Variants in RASSF3 observed in about 807,000 individuals in gnomAD.
The protein encoded by RASSF3 is Ras association domain family member 3.
Under a neutral mutation model 19.9 loss-of-function variants are expected in RASSF3, and 19 were observed. The observed-to-expected ratio is 0.96, with a 90% confidence interval of 0.67 to 1.40. The LOEUF (loss-of-function observed/expected upper bound fraction) is 1.40. Ranked by LOEUF, RASSF3 falls within the 40% of genes most tolerant of loss-of-function variation. The pLI, the probability that RASSF3 is intolerant of heterozygous loss-of-function variation, is 0.00. For missense variants in RASSF3, 306 were observed against 289.8 expected, an observed-to-expected ratio of 1.06 and a Z score of -0.41; for synonymous variants, 110 against 104.2, an observed-to-expected ratio of 1.06 and a Z score of -0.34.
chr12:64,578,765 C>G (rs1022044482), intron 2 of RASSF3, among the ~76,000 whole-genome samples: 4 of 152,250 alleles, frequency 2.6e-5, no homozygotes, highest in Non-Finnish European at 5.9e-5. Flanking sequence ...CTCTTGACTA[C>G]TCGCCTACAC....
At chr12:64,672,211 T>C (rs903664133) in intron 1 of RASSF3, among the ~76,000 whole-genome samples, 1 of 152,046 alleles carries the variant, frequency 6.6e-6, no homozygotes, top group Non-Finnish European at 1.5e-5. Context: ...TTTTAGTTAT[T>C]TTATTTTGTT....
chr12:64,679,337 G>C (rs922263649), intron 1 of RASSF3, among the ~76,000 whole-genome samples: 5 of 152,232 alleles, frequency 3.3e-5, no homozygotes, highest in African/African-American at 1.2e-4. Context: ...GGGATTACGG[G>C]CGTGAGCCAC....
downstream of RASSF3, among the ~76,000 whole-genome samples, chr12:64,544,771 CTA>C (rs1179642941): frequency 7.9e-5 from 12 of 152,268 alleles, no homozygotes; most frequent in South Asian, 1.2e-3. Flanking sequence ...GGTAATGAAA[CTA>C]ATTTTCAGTT....
chr12:64,667,688 T>C (rs1030650749), intron 1 of RASSF3, among the ~76,000 whole-genome samples: 3 of 152,198 alleles, frequency 2.0e-5, no homozygotes, highest in African/African-American at 7.2e-5. Context: ...ATTCAGCCAG[T>C]CTTCAATTGT....
At chr12:64,667,768 G>A (rs990823568) in intron 1 of RASSF3, among the ~76,000 whole-genome samples, 4 of 152,124 alleles carry the variant, frequency 2.6e-5, no homozygotes, top group African/African-American at 9.7e-5. Context: ...TTATCTCTGC[G>A]GGCAAGTGGC....
chr12:64,582,587 G>A (rs1438874752), intron 2 of RASSF3, among the ~76,000 whole-genome samples: 2 of 152,140 alleles, frequency 1.3e-5, no homozygotes, highest in African/African-American at 4.8e-5. Context: ...AGAGATTCCT[G>A]GATATGGGAC....
At chr12:64,670,975 T>C (rs1029450002) in intron 1 of RASSF3, among the ~76,000 whole-genome samples, 4 of 152,114 alleles carry the variant, frequency 2.6e-5, no homozygotes, top group Non-Finnish European at 5.9e-5. Context: ...ATATGCAAAA[T>C]AGGGATGATA....
At chr12:64,527,507 C>CACAAT (rs1175796893) in intron 1 of RASSF3, among the ~76,000 whole-genome samples, 5 of 152,208 alleles carry the variant, frequency 3.3e-5, no homozygotes, top group African/African-American at 1.2e-4. Context: ...AGGCTATCTT[C>CACAAT]ACAATTTTTG....
intron 1 of RASSF3, among the ~76,000 whole-genome samples, chr12:64,663,114 T>C (rs1383112690): frequency 4.6e-5 from 7 of 152,202 alleles, no homozygotes; most frequent in South Asian, 2.1e-4. Context: ...TTAATAATTA[T>C]GTAAGTGCCA....
At chr12:64,634,964 TTTC>T (rs1871285409) in intron 1 of RASSF3, among the ~76,000 whole-genome samples, 2 of 128,530 alleles carry the variant, frequency 1.6e-5, no homozygotes, top group African/African-American at 6.2e-5. Context: ...TTTCTTTTCT[TTTC>T]TTTTTTTTTT....
intron 1 of RASSF3, among the ~76,000 whole-genome samples, chr12:64,626,488 C>CAAAAAAAAAAA (rs36122537): frequency 1.0e-4 from 8 of 76,698 alleles, no homozygotes; most frequent in South Asian, 8.1e-4. Context: ...ACTCTTGTCT[C>CAAAAAAAAAAA]AAAAAAAAAA....
At chr12:64,620,705 A>T (rs562038440) in intron 1 of RASSF3, among the ~76,000 whole-genome samples, 1 of 152,176 alleles carries the variant, frequency 6.6e-6, no homozygotes, top group African/African-American at 2.4e-5. Flanking sequence ...TGAGCATGAA[A>T]CCTTTTCCAT....
At chr12:64,543,381 C>T (rs1460886923), downstream of RASSF3, among the ~76,000 whole-genome samples, 1 of 150,002 alleles carries the variant, frequency 6.7e-6, no homozygotes, top group Non-Finnish European at 1.5e-5. Context: ...GGGCAGGGCT[C>T]GGGACCTGCA....
downstream of RASSF3, among the ~76,000 whole-genome samples, chr12:64,542,139 AAAAAAT>A (rs1002666707): frequency 5.9e-5 from 9 of 152,010 alleles, no homozygotes; most frequent in African/African-American, 1.2e-4. Flanking sequence ...GCATCTCTAC[AAAAAAT>A]AAAAATAAAA....
chr12:64,614,155 T>C (rs1292845955), intron 1 of RASSF3, among the ~76,000 whole-genome samples: 1 of 147,362 alleles, frequency 6.8e-6, no homozygotes, highest in African/African-American at 2.5e-5. Flanking sequence ...TTTTTTGAGA[T>C]GGAGTTTCAC....
intron 1 of RASSF3, among the ~76,000 whole-genome samples, chr12:64,647,064 G>T (rs1871759772): frequency 6.6e-6 from 1 of 152,024 alleles, no homozygotes; most frequent in African/African-American, 2.4e-5. Context: ...AACTACAAAG[G>T]ATGGAATTAG....
chr12:64,659,951 C>CGTGTGTGTGTGTGTGT (rs200835780), intron 1 of RASSF3, among the ~76,000 whole-genome samples: 4 of 144,852 alleles, frequency 2.8e-5, no homozygotes, highest in South Asian at 2.3e-4. Context: ...TCATCTAATA[C>CGTGTGTGTGTGTGTGT]GTGTGTGTGT....
intron 2 of RASSF3, 79 bp from the exon 3 acceptor site, chr12:64,688,137 C>T: frequency 1.1e-6 from 1 of 939,960 alleles, no homozygotes. Context: ...GTTTCACCTT[C>T]CCGTTTTGTT....
intron 2 of RASSF3, among the ~76,000 whole-genome samples, chr12:64,556,834 CTTTTTT>C (rs5798747): frequency 8.7e-6 from 1 of 114,404 alleles, no homozygotes. Context: ...CCCCCTACCC[CTTTTTT>C]TTTTTTTTTT....
Sources: gnomAD v4.1 joint callset for allele counts (sites outside exome capture counted in the v4.1 genomes callset) on GRCh38, gnomAD v4.1.1 for gene constraint, MANE v1.5 for transcripts, NCBI Gene and HGNC (gene_info 2026-07-23, HGNC 2026-07-21) for gene names.